Variants in PCSK6 observed in about 807,000 individuals in gnomAD.
PCSK6 encodes the protein proprotein convertase subtilisin/kexin type 6, also known as paired basic amino acid cleaving enzyme 4.
A neutral mutation model predicts 123.3 loss-of-function variants in PCSK6; 85 were observed. That is an observed-to-expected ratio of 0.69 (90% CI 0.58 to 0.83). PCSK6 has a LOEUF of 0.83. Ranked by LOEUF, PCSK6 falls within the 40% of genes least tolerant of loss-of-function variation. The pLI is 0.00. For synonymous variants in PCSK6, 508 were observed against 516.0 expected (o/e 0.98, Z 0.21); for missense variants, 1,191 against 1,282.3 (o/e 0.93, Z 1.09).
chr15:101,373,234 G>A (rs897508484), intron 11 of PCSK6, among the ~76,000 whole-genome samples: 6 of 151,980 alleles, frequency 3.9e-5, no homozygotes, highest in African/African-American at 7.3e-5. Context: ...GGCTGGGGGC[G>A]GGAGCACCCA....
chr15:101,406,830 C>T (rs1467417560), intron 6 of PCSK6, among the ~76,000 whole-genome samples: 1 of 152,096 alleles, frequency 6.6e-6, no homozygotes, highest in Non-Finnish European at 1.5e-5. Flanking sequence ...GTTCCTGATG[C>T]CCTGATGGAG....
chr15:101,437,606 G>T (rs2056638297), intron 2 of PCSK6, among the ~76,000 whole-genome samples: 1 of 152,166 alleles, frequency 6.6e-6, no homozygotes, highest in Non-Finnish European at 1.5e-5. Flanking sequence ...TAAACTACAG[G>T]TGCCAGAAGA....
At chr15:101,381,258 G>A (rs940539486) in intron 11 of PCSK6, among the ~76,000 whole-genome samples, 1 of 152,194 alleles carries the variant, frequency 6.6e-6, no homozygotes, top group African/African-American at 2.4e-5. Context: ...CAGCTACTCG[G>A]GAGGCTGAGG....
At chr15:101,422,785 C>T (rs574430687) in intron 6 of PCSK6, among the ~76,000 whole-genome samples, 1 of 152,302 alleles carries the variant, frequency 6.6e-6, no homozygotes, top group Admixed American at 6.5e-5. Flanking sequence ...CCGCGCCCGG[C>T]TAATTTTTTG....
At chr15:101,461,028 C>T (rs1219047237) in intron 1 of PCSK6, among the ~76,000 whole-genome samples, 2 of 151,952 alleles carry the variant, frequency 1.3e-5, no homozygotes, top group African/African-American at 4.8e-5. Context: ...AGGACCAGAA[C>T]TCTGTAAAAG....
At chr15:101,487,401 G>A (rs1029646949) in intron 1 of PCSK6, among the ~76,000 whole-genome samples, 2 of 152,228 alleles carry the variant, frequency 1.3e-5, no homozygotes, top group South Asian at 2.1e-4. Context: ...GCATCGGGGC[G>A]AATCTTCTCT....
At chr15:101,374,521 G>C (rs1256250832) in intron 11 of PCSK6, among the ~76,000 whole-genome samples, 1 of 152,088 alleles carries the variant, frequency 6.6e-6, no homozygotes, top group Non-Finnish European at 1.5e-5. Flanking sequence ...CAACGCACTT[G>C]CTTTGTTCCT....
At chr15:101,316,731 A>G (rs2039996840) in intron 19 of PCSK6, among the ~76,000 whole-genome samples, 1 of 152,114 alleles carries the variant, frequency 6.6e-6, no homozygotes, top group Admixed American at 6.5e-5. Context: ...CCTGGCAATC[A>G]TAGGAGGACA....
chr15:101,428,647 T>A (rs2056342330), intron 5 of PCSK6, among the ~76,000 whole-genome samples: 1 of 152,208 alleles, frequency 6.6e-6, no homozygotes, highest in Non-Finnish European at 1.5e-5. Flanking sequence ...GGTCAGTTCC[T>A]CCAGCGGGGG....
chr15:101,404,171 A>G (rs544987193), intron 6 of PCSK6, among the ~76,000 whole-genome samples: 1 of 152,322 alleles, frequency 6.6e-6, no homozygotes, highest in Admixed American at 6.5e-5. Context: ...TAATTTTAAT[A>G]GAGCAAGAGC....
chr15:101,489,287 G>T (rs2058102934), intron 1 of PCSK6, 87 bp downstream of exon 1: 4 of 862,334 alleles, frequency 4.6e-6, no homozygotes, highest in African/African-American at 3.7e-5. Flanking sequence ...GGCCGGGGCC[G>T]GGCGGACAGG....
chr15:101,455,465 G>A (rs1023110637), intron 1 of PCSK6, among the ~76,000 whole-genome samples: 2 of 152,240 alleles, frequency 1.3e-5, no homozygotes, highest in African/African-American at 4.8e-5. Context: ...AGAGTCACCT[G>A]ACCGGGACTG....
intron 19 of PCSK6, among the ~76,000 whole-genome samples, chr15:101,317,562 G>C (rs1235560142): frequency 6.6e-6 from 1 of 152,134 alleles, no homozygotes; most frequent in Non-Finnish European, 1.5e-5. Flanking sequence ...AAAGAACTAA[G>C]GCTATGTTTG....
intron 1 of PCSK6, among the ~76,000 whole-genome samples, chr15:101,448,028 G>A (rs1032321539): frequency 3.3e-5 from 5 of 152,212 alleles, no homozygotes; most frequent in Non-Finnish European, 7.3e-5. Flanking sequence ...CTTCATCAAT[G>A]AATCTGACTG....
chr15:101,352,577 G>A (rs996260526), intron 13 of PCSK6, among the ~76,000 whole-genome samples: 4 of 152,096 alleles, frequency 2.6e-5, no homozygotes, highest in East Asian at 1.9e-4. Context: ...AGTTTAAAAC[G>A]CTATCCTTAG....
At position 101,377,266 on chromosome 15, in the gene PCSK6, A is replaced by T. The variant is rs567372716; in HGVS notation, c.1532+4826T>A. Among the ~76,000 whole-genome samples, 3 of 152,286 alleles carry T rather than the reference A, an allele frequency of 2.0e-5. No homozygotes were observed. In the East Asian group the frequency reaches 5.8e-4, roughly 29 times the overall value. ...GGCAGCCAGGGTCAGGTACTTTATC[A>T]TCCCTGGAGGTGGTGCGCCCAGCTA... On this transcript the variant is annotated intron_variant, in intron 11 of 21. Coordinates refer to ENST00000611716, the MANE Select transcript of PCSK6 (RefSeq NM_002570.5).
At chr15:101,449,611 G>A (rs1043340504) in intron 1 of PCSK6, among the ~76,000 whole-genome samples, 1 of 152,118 alleles carries the variant, frequency 6.6e-6, no homozygotes, top group African/African-American at 2.4e-5. Context: ...CGCCACCTTC[G>A]TACATGTCAG....
chr15:101,386,868 G>A (rs8042699), intron 9 of PCSK6, among the ~76,000 whole-genome samples: 40,663 of 152,128 alleles, frequency 0.27, 5,963 homozygotes, highest in Non-Finnish European at 0.33. Flanking sequence ...ATTGCTGATC[G>A]TCTGGGGAGT....
chr15:101,392,173 G>C (rs2042251564), intron 8 of PCSK6, among the ~76,000 whole-genome samples: 1 of 152,222 alleles, frequency 6.6e-6, no homozygotes, highest in African/African-American at 2.4e-5. Context: ...GACCCTAGCA[G>C]GTCCGTGCTC....
Sources: gnomAD v4.1 joint callset for allele counts (sites outside exome capture counted in the v4.1 genomes callset) on GRCh38, gnomAD v4.1.1 for gene constraint, MANE v1.5 for transcripts, NCBI Gene and HGNC (gene_info 2026-07-23, HGNC 2026-07-21) for gene names.